The following KCNJ16 variants were observed in gnomAD, a reference collection of about 807,000 sequenced individuals.
KCNJ16 encodes the protein potassium inwardly rectifying channel subfamily J member 16, also known as inward rectifier potassium channel 16.
Under a neutral mutation model 18.5 loss-of-function variants are expected in KCNJ16, and 15 were observed. That is an observed-to-expected ratio of 0.81 (90% CI 0.54 to 1.25). The LOEUF is 1.25. Among genes scored for constraint, KCNJ16 ranks in the 50% most tolerant of loss-of-function variants. The pLI is 0.00. For synonymous variants in KCNJ16, 174 were observed against 186.5 expected, an observed-to-expected ratio of 0.93 and a Z score of 0.55; for missense variants, 523 against 525.7, an observed-to-expected ratio of 0.99 and a Z score of 0.05.
At chr17:70,121,139 G>T (rs1437594240) in intron 2 of KCNJ16, among the ~76,000 whole-genome samples, 1 of 152,126 alleles carries the variant, frequency 6.6e-6, no homozygotes, top group African/African-American at 2.4e-5. Flanking sequence ...TAAAACTGGA[G>T]GATGGCAGGG....
At position 70,133,494 on chromosome 17, in the gene KCNJ16, T is replaced by C. The variant is rs1598194986; in HGVS notation, c.*150T>C. ...GTAAGTTAAACTTGGTAAAAGATAATCTAAAAATTCCATAGTTCTCAGTTA... is the reference window on the plus strand; with the variant it reads ...GTAAGTTAAACTTGGTAAAAGATAACCTAAAAATTCCATAGTTCTCAGTTA... On this transcript the variant is annotated 3_prime_UTR_variant, in exon 4 of 4. Transcript: ENST00000392671. The C allele has an allele frequency of 1.6e-6, 1 of 622,402 alleles. No individual in the cohort carries two copies. Among genetic ancestry groups the C allele is most frequent in the Non-Finnish European group, 2.6e-6 (1 of 391,048 alleles). The allele number at this position is 622,402 out of a possible 1,614,324, so 38.6% of individuals were successfully genotyped here.
chr17:70,127,348 G>A (rs1344432875), intron 2 of KCNJ16, among the ~76,000 whole-genome samples: 1 of 152,114 alleles, frequency 6.6e-6, no homozygotes, highest in African/African-American at 2.4e-5. Context: ...GGTAAAGCAA[G>A]AGTTCAGTGG....
chr17:70,114,955 C>T (rs1396346286), intron 2 of KCNJ16, among the ~76,000 whole-genome samples: 1 of 152,130 alleles, frequency 6.6e-6, no homozygotes, highest in East Asian at 1.9e-4. Context: ...GGTTTAGAAA[C>T]ACAGCTTCTT....
At chr17:70,088,864 A>G (rs1375220157) in intron 1 of KCNJ16, among the ~76,000 whole-genome samples, 4 of 152,166 alleles carry the variant, frequency 2.6e-5, no homozygotes, top group African/African-American at 9.7e-5. Flanking sequence ...CTATGGCTTG[A>G]ATGACTTAAA....
intron 1 of KCNJ16, among the ~76,000 whole-genome samples, chr17:70,091,939 T>C (rs376925786): frequency 9.9e-5 from 15 of 152,208 alleles, no homozygotes; most frequent in African/African-American, 3.6e-4. Context: ...ATTTATTGGG[T>C]TGGAGGGGGG....
rs528597866 is a variant in KCNJ16 at position 70,124,343 on chromosome 17, C to G, written c.-190-6536C>G. Among the ~76,000 whole-genome samples the G allele has an allele frequency of 6.6e-5, 10 of 152,142 alleles. No individual in the cohort carries two copies. The South Asian group carries it at 1.9e-3, about 28-fold the overall frequency. Reference sequence around the variant, plus strand: ...TATGGTTTTCATGTTTGTTGATACCCGCCTCTCCAATGTAAACTGCAATTC... The same window carrying G: ...TATGGTTTTCATGTTTGTTGATACCGGCCTCTCCAATGTAAACTGCAATTC... On this transcript the variant is annotated intron_variant, in intron 2 of 3. Coordinates refer to ENST00000392671, the MANE Select transcript of KCNJ16 (RefSeq NM_170741.4).
At chr17:70,095,263 T>A (rs369623734) in intron 1 of KCNJ16, among the ~76,000 whole-genome samples, 1 of 43,110 alleles carries the variant, frequency 2.3e-5, no homozygotes, top group Non-Finnish European at 5.6e-5. Flanking sequence ...CCAGACCATG[T>A]AAGACAAAAC....
At chr17:70,092,794 C>T (rs2072184068) in intron 1 of KCNJ16, among the ~76,000 whole-genome samples, 2 of 152,240 alleles carry the variant, frequency 1.3e-5, no homozygotes, top group South Asian at 4.2e-4. Flanking sequence ...AAACCTGAAG[C>T]TCTGATGGCT....
chr17:70,133,459 G>C lies in KCNJ16; in HGVS notation c.*115G>C. 3 of 769,884 alleles carry C rather than the reference G, an allele frequency of 3.9e-6. No homozygotes were observed. Among genetic ancestry groups the C allele is most frequent in the Non-Finnish European group, 6.2e-6 (3 of 481,858 alleles). The allele number at this position is 769,884 out of a possible 1,614,324, so 47.7% of individuals were successfully genotyped here. On this transcript the variant is annotated 3_prime_UTR_variant, in exon 4 of 4. Transcript: ENST00000392671. ...ATGGCTATGTTTTATGATGATGCTG[G>C]GTAAGTAGAGTAAGTTAAACTTGGT...
At chr17:70,123,794 T>C (rs2073745723) in intron 2 of KCNJ16, among the ~76,000 whole-genome samples, 1 of 152,232 alleles carries the variant, frequency 6.6e-6, no homozygotes, top group African/African-American at 2.4e-5. Flanking sequence ...GACCACATTC[T>C]GGAGCTTGGA....
At chr17:70,104,039 T>TGATCCTCCCACCTCAGCATCCCAGGC (rs975253000) in intron 2 of KCNJ16, among the ~76,000 whole-genome samples, 10 of 151,268 alleles carry the variant, frequency 6.6e-5, no homozygotes, top group African/African-American at 2.4e-4. Flanking sequence ...TGGGTTCAAG[T>TGATCCTCCCACCTCAGCATCCCAGGC]GATCCTCCCA....
chr17:70,119,070 C>T (rs1008486838), intron 2 of KCNJ16, among the ~76,000 whole-genome samples: 2 of 152,166 alleles, frequency 1.3e-5, no homozygotes, highest in African/African-American at 4.8e-5. Context: ...GCTCTACAGG[C>T]CCCACACAAG....
chr17:70,130,092 A>G (rs1443851654), intron 2 of KCNJ16, among the ~76,000 whole-genome samples: 7 of 152,074 alleles, frequency 4.6e-5, no homozygotes, highest in Admixed American at 2.0e-4. Flanking sequence ...TTGTATCTCT[A>G]TATCTGCTTT....
At chr17:70,078,576 CTT>C (rs1022565395) in intron 1 of KCNJ16, among the ~76,000 whole-genome samples, 3 of 152,116 alleles carry the variant, frequency 2.0e-5, no homozygotes, top group African/African-American at 4.8e-5. Flanking sequence ...CAAAAACACT[CTT>C]GTTTTGGTAA....
rs185693328 is a variant in KCNJ16 at position 70,122,280 on chromosome 17, C to T, written c.-190-8599C>T. On this transcript the variant is annotated intron_variant, in intron 2 of 3. Coordinates refer to ENST00000392671, the MANE Select transcript of KCNJ16 (RefSeq NM_170741.4). ...CTCCACCTCGCAGGTTCACACCATT[C>T]TCCTGCCTCAGTCTCCCAAGTAGCT... 1.5e-3 allele frequency among the ~76,000 whole-genome samples: 234 copies of T among 151,992 alleles called. 1 individual carries two copies. The highest frequency in any genetic ancestry group is 3.4e-3 in the Middle Eastern group (1 of 292).
intron 1 of KCNJ16, among the ~76,000 whole-genome samples, chr17:70,089,869 C>T (rs1009629000): frequency 1.3e-5 from 2 of 152,222 alleles, no homozygotes; most frequent in African/African-American, 4.8e-5. Context: ...GCCGATCCTG[C>T]TAACACTTTG....
intron 2 of KCNJ16, chr17:70,128,570 A>G (rs2073941133): frequency 6.6e-6 from 1 of 152,166 alleles, no homozygotes; most frequent in Non-Finnish European, 1.5e-5. Flanking sequence ...AAGAACTCTA[A>G]GTCATTTCTA....
chr17:70,107,241 C>T (rs545877672), intron 2 of KCNJ16, among the ~76,000 whole-genome samples: 1 of 152,256 alleles, frequency 6.6e-6, no homozygotes, highest in South Asian at 2.1e-4. Context: ...ACTCAAAAAT[C>T]AAATCTAAGT....
chr17:70,113,117 C>T (rs2073257013), intron 2 of KCNJ16, among the ~76,000 whole-genome samples: 1 of 152,174 alleles, frequency 6.6e-6, no homozygotes, highest in African/African-American at 2.4e-5. Flanking sequence ...AAGTCAAATG[C>T]AAATTGATTT....
Sources: allele counts gnomAD v4.1 joint callset (sites outside exome capture counted in the v4.1 genomes callset), GRCh38; gene constraint gnomAD v4.1.1; transcripts MANE v1.5; gene names NCBI Gene and HGNC (gene_info 2026-07-23, HGNC 2026-07-21).